MKS1: variants seen among roughly 807,000 people sequenced by gnomAD.
MKS1 encodes tectonic-like complex member MKS1.
Under a neutral mutation model 83.7 loss-of-function variants are expected in MKS1, and 70 were observed. The observed-to-expected ratio is 0.84, with a 90% confidence interval of 0.69 to 1.02. The LOEUF (loss-of-function observed/expected upper bound fraction) is 1.02. Ranked by LOEUF, MKS1 falls within the 50% of genes least tolerant of loss-of-function variation. The probability of loss-of-function intolerance (pLI) is 0.00; values close to 1 mark genes in which losing one functional copy is unlikely to be tolerated. For missense variants in MKS1, 681 were observed against 726.9 expected (o/e 0.94, Z 0.73); for synonymous variants, 251 against 273.4 (o/e 0.92, Z 0.81).
At chr17:58,210,514 A>C in intron 11 of MKS1, 145 bp downstream of exon 11, 1 of 847,050 alleles carries the variant, frequency 1.2e-6, no homozygotes, top group Non-Finnish European at 2.0e-6. Flanking sequence ...GGAAGTCTCC[A>C]CTGGGTTTGG....
At position 58,214,263 on chromosome 17, in the gene MKS1, T is replaced by C. The variant is rs1302221349; in HGVS notation, c.640A>G (p.Lys214Glu). The C allele has an allele frequency of 3.1e-6, 5 of 1,614,136 alleles. No homozygotes were observed. In the East Asian group the frequency reaches 8.9e-5, roughly 29 times the overall value. ...MHIMADLGPY[K>E]KLGYKKYEHV... ...GCAGTGAGAAGCGCCACTCACTTTT[T>C]ATAGGGCCCCAGGTCTGCCATGATG... is the stretch of plus-strand genomic sequence containing the variant. The change falls in exon 6 of 18, where the codon AAA becomes GAA. Residue 214 changes from lysine to glutamate, a missense_variant. Coordinates refer to ENST00000393119, the MANE Select transcript of MKS1 (RefSeq NM_017777.4).
chr17:58,207,964 G>A lies in MKS1; in HGVS notation c.1203C>T (p.Val401=). Reference sequence around the variant, plus strand: ...ACCTCTGCCAGAAGTCCAGCGAGAGGACCTCACAGTAGAGCACAGGCCACT... The same window carrying A: ...ACCTCTGCCAGAAGTCCAGCGAGAGAACCTCACAGTAGAGCACAGGCCACT... The part of the protein sequence containing the change: ...LPEWPVLYCE[V]LSLDFWQRYR... The change falls in exon 14 of 18, where the codon GTC becomes GTT. Residue 401 remains valine, a synonymous_variant. Coordinates refer to ENST00000393119, the MANE Select transcript of MKS1 (RefSeq NM_017777.4). The A allele has an allele frequency of 6.2e-7, 1 of 1,614,142 alleles. No individual in the cohort carries two copies. The highest frequency in any genetic ancestry group is 1.1e-5 in the South Asian group (1 of 91,074).
intron 11 of MKS1, among the ~76,000 whole-genome samples, chr17:58,210,176 G>A (rs765672251): frequency 6.6e-6 from 1 of 152,184 alleles, no homozygotes; most frequent in African/African-American, 2.4e-5. Flanking sequence ...GACAAAAGAG[G>A]TAACTGGATA....
rs147899368 is a variant in MKS1 at position 58,208,272 on chromosome 17, A to G, written c.1096-98T>C. 123 of 1,183,462 alleles carry G rather than the reference A, an allele frequency of 1.0e-4. No homozygotes were observed. The African/African-American group carries it at 1.6e-3, about 15-fold the overall frequency. 73.3% of individuals were successfully genotyped at this position (1,183,462 alleles called of 1,614,324 possible). A position where few individuals can be genotyped will look rare whatever the true frequency, so the allele number is the denominator to read the frequency against. On this transcript the variant is annotated intron_variant, in intron 12 of 17. Coordinates refer to ENST00000393119, the MANE Select transcript of MKS1 (RefSeq NM_017777.4). The stretch of plus-strand genomic sequence containing the variant: ...TTATCTTCACAAGGGAAAAAGAAAA[A>G]TTATCACCCAGGTGGGAAATAGGAG...
rs779059435 is a variant in MKS1, at chr17:58,207,253, A to G, written c.1274-35T>C. The G allele has an allele frequency of 1.8e-5, 29 of 1,612,652 alleles. No homozygotes were observed. In the South Asian group the frequency reaches 2.1e-4, roughly 12 times the overall value. On this transcript the variant is annotated intron_variant, in intron 14 of 17. Coordinates refer to ENST00000393119, the MANE Select transcript of MKS1 (RefSeq NM_017777.4). ...GGAAGAGAAGACTGGGGCCAGGTCC[A>G]GAAAGGGCATGTGGCCCCTCACTGA... is the stretch of plus-strand genomic sequence containing the variant.
chr17:58,214,354 G>A lies in MKS1; in HGVS notation c.549C>T (p.Thr183=), dbSNP rs1175017081. Residue 183 remains threonine, a synonymous_variant, in exon 6 of 18, where the codon ACC becomes ACT. Transcript: ENST00000393119. ...TGACAAACTCTTCTGAGGGCTCCCA[G>A]GTGACGATGCGTGACTTGAGGATGC... ...EGGILKSRIV[T]WEPSEEFVRN... The A allele has an allele frequency of 6.2e-7, 1 of 1,613,828 alleles. No homozygotes were observed. Among genetic ancestry groups the A allele is most frequent in the Admixed American group, 1.7e-5 (1 of 60,028 alleles).
rs958937147 is a variant in MKS1 at position 58,209,048 on chromosome 17, CTCCTA to C, written c.1025-470_1025-466del. On this transcript the variant is annotated intron_variant, in intron 11 of 17. Coordinates refer to ENST00000393119, the MANE Select transcript of MKS1 (RefSeq NM_017777.4). This position sits in a 1 kb window ranked among gnomAD's most constrained non-coding sequence, Gnocchi z 4.1. ...TTCTTAGTACAGAACAAAATGGAGT[CTCCTA>C]TGTCTACTTCTTTCTACACAGACAC... Among the ~76,000 whole-genome samples, 2 of 152,150 alleles carry C rather than the reference CTCCTA, an allele frequency of 1.3e-5. No individual in the cohort carries two copies. Among genetic ancestry groups the C allele is most frequent in the African/African-American group, 4.8e-5 (2 of 41,424 alleles).
chr17:58,208,765 A>C (rs1475362468), intron 11 of MKS1, among the ~76,000 whole-genome samples, 182 bp from the exon 12 acceptor site: 1 of 151,952 alleles, frequency 6.6e-6, no homozygotes, highest in Non-Finnish European at 1.5e-5. Flanking sequence ...TCAGCAGATA[A>C]ACACGTGAAC....
In MKS1 at chr17:58,216,702, C is replaced by G. The variant is rs775351056; in HGVS notation, c.225G>C (p.Glu75Asp). Reference sequence around the variant, plus strand: ...GCTTCTCCTGCCACCCAATCACAATCTCCTCCTCTTCGTCTTCCTCTGGGC... The same window carrying G: ...GCTTCTCCTGCCACCCAATCACAATGTCCTCCTCTTCGTCTTCCTCTGGGC... The part of the protein sequence containing the change: ...GHRPEEDEEE[E>D]IVIGWQEKLF... The change falls in exon 3 of 18, where the codon GAG (glutamate) becomes GAC (aspartate). Residue 75 changes from glutamate to aspartate, a missense_variant. Transcript: ENST00000393119. The G allele has an allele frequency of 8.7e-6, 14 of 1,614,214 alleles. No individual in the cohort carries two copies. The East Asian group carries it at 3.1e-4, about 36-fold the overall frequency.
In MKS1 at chr17:58,206,540, C is replaced by A. The variant is rs772114886; in HGVS notation, c.1415G>T (p.Arg472Leu). The change falls in exon 16 of 18, where the codon CGC becomes CTC. Residue 472 changes from arginine (R) to leucine (L), a missense_variant. By Grantham distance (102) the Arg-to-Leu change is moderately radical (BLOSUM62 -2). Around this residue, in one of 3 missense-constraint regions of MKS1, gnomAD observed 310 missense variants for 321.7 expected, o/e 0.96. Transcript: ENST00000393119. ...VRIPGSFKGE[R>L]LSRFGLRTET... ...TGTGCGGAGTCCAAAGCGGCTCAGG[C>A]GTTCCCCCTGTGGCATGCCATTGGG... is the stretch of plus-strand genomic sequence containing the variant. The A allele has an allele frequency of 1.2e-6, 2 of 1,612,680 alleles. No homozygotes were observed. The highest frequency in any genetic ancestry group is 1.1e-5 in the South Asian group (1 of 91,070).
chr17:58,217,921 G>C (rs1448913330), intron 2 of MKS1, among the ~76,000 whole-genome samples: 3 of 152,206 alleles, frequency 2.0e-5, no homozygotes, highest in African/African-American at 7.2e-5. Flanking sequence ...CCCAGGAACA[G>C]CTCTGAACAG....
intron 2 of MKS1, among the ~76,000 whole-genome samples, chr17:58,218,275 C>T (rs912180386): frequency 2.0e-5 from 3 of 151,678 alleles, no homozygotes; most frequent in African/African-American, 7.3e-5. Flanking sequence ...GGTGAAACCC[C>T]GCCTCTACTG....
rs535697045 is a variant in MKS1 at position 58,215,986 on chromosome 17, G to A, written c.417+102C>T. On this transcript the variant is annotated intron_variant, in intron 4 of 17. Transcript: ENST00000393119. ...ACAGCAGTTCCTAGACAGGCTACTT[G>A]TCTCCCCTTACTAGGCTCTGACATA... 2.3e-5 allele frequency: 32 copies of A among 1,402,576 alleles called. No homozygotes were observed. The African/African-American group carries it at 3.7e-4, about 16-fold the overall frequency. 86.9% of individuals were successfully genotyped at this position (1,402,576 alleles called of 1,614,324 possible). A position where few individuals can be genotyped will look rare whatever the true frequency, so the allele number is the denominator to read the frequency against.
chr17:58,216,047 A>T, intron 4 of MKS1, 41 bp downstream of exon 4: 2 of 1,610,778 alleles, frequency 1.2e-6, no homozygotes, highest in South Asian at 2.2e-5. Flanking sequence ...AAGCTAGAGG[A>T]AGCAAAGATG....
At chr17:58,208,346 A>G in intron 12 of MKS1, 167 bp downstream of exon 12, 1 of 968,610 alleles carries the variant, frequency 1.0e-6, no homozygotes, top group Non-Finnish European at 1.6e-6. Flanking sequence ...CATGCTCAAA[A>G]AGACAGACAG....
At chr17:58,218,837 C>T (rs1420815164) in intron 1 of MKS1, 108 bp from the exon 2 acceptor site, 14 of 1,049,798 alleles carry the variant, frequency 1.3e-5, no homozygotes, top group East Asian at 1.3e-4. Context: ...CCAAGGTGTG[C>T]TGGGTGCAGA....
At chr17:58,207,757 G>A in intron 14 of MKS1, 137 bp downstream of exon 14, 1 of 865,590 alleles carries the variant, frequency 1.2e-6, no homozygotes. Context: ...AAAGTCCTCA[G>A]AGGAACAGGA....
chr17:58,214,494 G>C lies in MKS1; in HGVS notation c.516-107C>G, dbSNP rs1022201134. 5 of 1,551,104 alleles carry C rather than the reference G, an allele frequency of 3.2e-6. No homozygotes were observed. The Admixed American group carries it at 9.1e-5, about 28-fold the overall frequency. ...TTTGAGCTAGTGGACATACTGTTTT[G>C]TTTTGTTTTTTAAGAGCCAAAATAT... On this transcript the variant is annotated intron_variant, in intron 5 of 17. Transcript: ENST00000393119.
intron 6 of MKS1, 133 bp from the exon 7 acceptor site, chr17:58,214,002 C>A: frequency 9.2e-6 from 9 of 973,852 alleles, no homozygotes; most frequent in Admixed American, 6.9e-5. Flanking sequence ...CTTCCAAGTA[C>A]AACTAAGAAA....
Sources: allele counts gnomAD v4.1 joint callset (sites outside exome capture counted in the v4.1 genomes callset), GRCh38; gene constraint gnomAD v4.1.1; regional missense constraint gnomAD v4.1.1; non-coding constraint Gnocchi (gnomAD v3.1); transcripts MANE v1.5; gene names NCBI Gene and HGNC (gene_info 2026-07-23, HGNC 2026-07-21).